Variants in PCNT observed in about 807,000 individuals in gnomAD.
The protein encoded by PCNT is pericentrin, also known as kendrin.
PCNT carries 319 observed loss-of-function variants against 380.4 expected under a neutral mutation model. The ratio of observed to expected loss-of-function variants is 0.84; its 90% CI spans 0.77 to 0.92. The LOEUF is 0.92. Among genes scored for constraint, PCNT ranks in the 40% least tolerant of loss-of-function variants. The pLI, the probability that PCNT is intolerant of heterozygous loss-of-function variation, is 0.00. For synonymous variants in PCNT, 1,845 were observed against 1,735.2 expected (o/e 1.06, Z -1.57); for missense variants, 4,400 against 4,255.3 (o/e 1.03, Z -0.95).
chr21:46,333,074 C>T (rs1453078533), intron 2 of PCNT, among the ~76,000 whole-genome samples: 1 of 152,202 alleles, frequency 6.6e-6, no homozygotes, highest in East Asian at 1.9e-4. Flanking sequence ...GATTGCACCA[C>T]TGCACGCCAG....
chr21:46,343,748 C>G (rs979349993), intron 3 of PCNT, among the ~76,000 whole-genome samples: 2 of 152,152 alleles, frequency 1.3e-5, no homozygotes, highest in Non-Finnish European at 2.9e-5. Flanking sequence ...CCCTCTGGTC[C>G]TGGACAATTT....
In PCNT at chr21:46,349,812, C is replaced by T; in HGVS notation, c.1336C>T (p.Gln446Ter). 6.2e-7 allele frequency: 1 copy of T among 1,614,172 alleles called. No homozygotes were observed. Among genetic ancestry groups the T allele is most frequent in the Non-Finnish European group, 8.5e-7 (1 of 1,179,988 alleles). The change falls in exon 8 of 47, where the codon CAG (glutamine) becomes TAG (stop). Residue 446 changes from glutamine to a stop codon, truncating the protein, a stop_gained. Transcript: ENST00000359568. LOFTEE classifies it high-confidence loss of function. The part of the protein sequence containing the change: ...FKFKESEKEK[Q>*]LELENLQASY... ...GTTCAAAGAGAGCGAGAAAGAAAAA[C>T]AGCTGGAGGTGGGCAGCAGCTTCGT... is the stretch of plus-strand genomic sequence containing the variant.
chr21:46,387,404 G>A (rs956692773), intron 17 of PCNT, among the ~76,000 whole-genome samples: 3 of 152,176 alleles, frequency 2.0e-5, no homozygotes, highest in South Asian at 2.1e-4. Flanking sequence ...CCAGTGGGGC[G>A]GTCTGTGCTC....
intron 15 of PCNT, among the ~76,000 whole-genome samples, chr21:46,376,820 C>T (rs2085345484): frequency 1.3e-5 from 2 of 152,214 alleles, no homozygotes; most frequent in Non-Finnish European, 2.9e-5. Context: ...GTAGTGTGCA[C>T]AGCTCAGAAG....
At chr21:46,423,882 C>T (rs2087377579) in intron 32 of PCNT, among the ~76,000 whole-genome samples, 1 of 148,914 alleles carries the variant, frequency 6.7e-6, no homozygotes, top group Admixed American at 6.7e-5. Context: ...GTCCAGGGAG[C>T]ACCTCCAGCT....
At chr21:46,414,363 G>C (rs900750976) in intron 29 of PCNT, among the ~76,000 whole-genome samples, 1 of 151,814 alleles carries the variant, frequency 6.6e-6, no homozygotes, top group Admixed American at 6.6e-5. Context: ...AGCCTCCCTG[G>C]ACACACAGCC....
chr21:46,440,142 C>T lies in PCNT; in HGVS notation c.9333C>T (p.Arg3111=). 6.2e-7 allele frequency: 1 copy of T among 1,614,136 alleles called. No homozygotes were observed. Residue 3111 remains arginine, a synonymous_variant, in exon 42 of 47, where the codon CGC becomes CGT. Transcript: ENST00000359568. The stretch of plus-strand genomic sequence containing the variant: ...CGGCTCCACAGAGTTCCCTGAGGCG[C>T]CCAGACCCCGGCCGGCTTCCACCAG... ...DETAPQSSLR[R]PDPGRLPPAA... is the part of the protein sequence containing the mutation.
intron 27 of PCNT, 128 bp from the exon 28 acceptor site, chr21:46,411,061 G>C: frequency 9.9e-7 from 1 of 1,008,552 alleles, no homozygotes; most frequent in Non-Finnish European, 1.6e-6. Context: ...TTGCTTCTAT[G>C]GCTGCTTTGT....
intron 3 of PCNT, among the ~76,000 whole-genome samples, chr21:46,337,540 G>C (rs1451333444): frequency 2.6e-5 from 4 of 152,130 alleles, no homozygotes; most frequent in African/African-American, 7.2e-5. Flanking sequence ...TTCCTATCCT[G>C]GGATCCCACA....
intron 15 of PCNT, among the ~76,000 whole-genome samples, chr21:46,370,735 A>G (rs568099729): frequency 2.9e-4 from 44 of 152,250 alleles, no homozygotes; most frequent in Non-Finnish European, 5.4e-4. Flanking sequence ...GCAAGAGTCC[A>G]CTTCTAAAAA....
At chr21:46,401,907 A>G (rs911092587) in intron 26 of PCNT, among the ~76,000 whole-genome samples, 186 bp downstream of exon 26, 3 of 152,184 alleles carry the variant, frequency 2.0e-5, no homozygotes, top group East Asian at 1.9e-4. Context: ...CTGGAGTGCA[A>G]TGGTGCAGTC....
chr21:46,346,850 A>G lies in PCNT; in HGVS notation c.828A>G (p.Ala276=). The G allele has an allele frequency of 6.2e-7, 1 of 1,608,672 alleles. No homozygotes were observed. Among genetic ancestry groups the G allele is most frequent in the Non-Finnish European group, 8.5e-7 (1 of 1,178,112 alleles). The change falls in exon 5 of 47, where the codon GCA becomes GCG. Residue 276 remains alanine, a synonymous_variant. Coordinates refer to ENST00000359568, the MANE Select transcript of PCNT (RefSeq NM_006031.6). ...ACCTCCAGAAGGAGAAGGAGACGGC[A>G]TTGACGGAGCTGCGGGAGATGCTCA... ...QANLQKEKET[A]LTELREMLNS... is the part of the protein sequence containing the mutation.
Position 46,435,922 on chromosome 21 carries a change from C to T in PCNT, c.8770C>T (p.Arg2924Cys), listed in dbSNP as rs559208618. Residue 2924 changes from arginine to cysteine, a missense_variant, in exon 39 of 47, where the codon CGT becomes TGT. Coordinates refer to ENST00000359568, the MANE Select transcript of PCNT (RefSeq NM_006031.6). ...ACAACAGCGAGAATTAGAACTGCAG[C>T]GTCAGCGTGACTTGCATAAGATCAA... is the stretch of plus-strand genomic sequence containing the variant. ...KEKLRELELQ[R>C]QRDLHKIKQL... The T allele has an allele frequency of 1.1e-5, 17 of 1,614,192 alleles. No individual in the cohort carries two copies. The highest frequency in any genetic ancestry group is 2.2e-5 in the East Asian group (1 of 44,874).
chr21:46,415,416 C>T (rs111235675), intron 29 of PCNT, among the ~76,000 whole-genome samples: 1 of 127,536 alleles, frequency 7.8e-6, no homozygotes, highest in Non-Finnish European at 1.6e-5. Context: ...CTCGCTCTGT[C>T]GCCCAGGCTG....
rs756816755 is a variant in PCNT, at chr21:46,431,657, C to T, written c.8193C>T (p.Ala2731=). Reference sequence around the variant, plus strand: ...GTATCGAGCACTCACGCTGCGAGGCCTTGCTGGCTCAGGAGCGGAGCCAGC... The same window carrying T: ...GTATCGAGCACTCACGCTGCGAGGCTTTGCTGGCTCAGGAGCGGAGCCAGC... ...ELRIEHSRCE[A]LLAQERSQLS... The change falls in exon 38 of 47, where the codon GCC becomes GCT. Residue 2731 remains alanine, a synonymous_variant. Transcript: ENST00000359568. 6.8e-6 allele frequency: 11 copies of T among 1,613,578 alleles called. No individual in the cohort carries two copies. The Admixed American group carries it at 1.8e-4, about 27-fold the overall frequency.
rs745736795 is a variant in PCNT at position 46,389,190 on chromosome 21, A to G, written c.3608-9A>G. 7.4e-6 allele frequency: 12 copies of G among 1,613,348 alleles called. No individual in the cohort carries two copies. In the South Asian group the frequency reaches 9.9e-5, roughly 13 times the overall value. ...GAGCCGCGTGTGCCGGCATCTGCTC[A>G]TCTTGTAGCTCCGGCGCTGGAGGAG... On this transcript the variant is annotated splice_polypyrimidine_tract_variant and intron_variant, in intron 18 of 46. Transcript: ENST00000359568.
chr21:46,394,524 C>G (rs962846988), intron 21 of PCNT: 9 of 985,108 alleles, frequency 9.1e-6, no homozygotes, highest in Non-Finnish European at 1.1e-5. Context: ...CACTGCAGCA[C>G]ACAAGGACTC....
At chr21:46,342,822 C>T (rs140424878) in intron 3 of PCNT, among the ~76,000 whole-genome samples, 140 of 152,312 alleles carry the variant, frequency 9.2e-4, no homozygotes, top group Middle Eastern at 3.4e-3. Context: ...AGCCACCGTG[C>T]GCAGCCAGCG....
At chr21:46,441,987 G>C (rs917669481) in intron 43 of PCNT, among the ~76,000 whole-genome samples, 12 of 152,150 alleles carry the variant, frequency 7.9e-5, no homozygotes, top group Non-Finnish European at 2.9e-5. Context: ...AGGGCGTCTG[G>C]GGCCCTGCAC....
Sources: gnomAD v4.1 joint callset for allele counts (sites outside exome capture counted in the v4.1 genomes callset) on GRCh38, gnomAD v4.1.1 for gene constraint, MANE v1.5 for transcripts, NCBI Gene and HGNC (gene_info 2026-07-23, HGNC 2026-07-21) for gene names.